The following DDRGK1 variants were observed in gnomAD, a reference collection of about 807,000 sequenced individuals.
The protein encoded by DDRGK1 is DDRGK domain-containing protein 1.
Under a neutral mutation model 45.8 loss-of-function variants are expected in DDRGK1, and 38 were observed. The observed-to-expected ratio is 0.83, with a 90% CI of 0.64 to 1.09. The LOEUF is 1.09. DDRGK1 is among the 50% of genes least tolerant of loss of function. The pLI is 0.00. For missense variants in DDRGK1, 403 were observed against 419.9 expected (o/e 0.96, Z 0.35); for synonymous variants, 171 against 168.7 (o/e 1.01, Z -0.11).
chr20:3,190,725 G>C lies in DDRGK1; in HGVS notation c.873C>G (p.Ile291Met), dbSNP rs747210009. The change falls in exon 9 of 9, where the codon ATC (isoleucine) becomes ATG (methionine). Residue 291 changes from isoleucine (I) to methionine (M), a missense_variant. Transcript: ENST00000354488. ...NFIRQRGRVS[I>M]AELAQASNSL... is the part of the protein sequence containing the mutation. ...AGTTGCTGGCTTGGGCAAGCTCGGC[G>C]ATGGACACCCGGCCCCGCTGTCGGA... The C allele has an allele frequency of 6.2e-7, 1 of 1,614,102 alleles. No individual in the cohort carries two copies. The highest frequency in any genetic ancestry group is 1.1e-5 in the South Asian group (1 of 91,066).
At position 3,190,726 on chromosome 20, in the gene DDRGK1, A is replaced by T. The variant is rs777126302; in HGVS notation, c.872T>A (p.Ile291Asn). Residue 291 changes from isoleucine to asparagine, a missense_variant, in exon 9 of 9, where the codon ATC becomes AAC. Coordinates refer to ENST00000354488, the MANE Select transcript of DDRGK1 (RefSeq NM_023935.3). ...GTTGCTGGCTTGGGCAAGCTCGGCG[A>T]TGGACACCCGGCCCCGCTGTCGGAT... ...NFIRQRGRVSIAELAQASNSL... is the reference protein window; with the variant it reads ...NFIRQRGRVSNAELAQASNSL... The T allele has an allele frequency of 6.2e-7, 1 of 1,614,044 alleles. No homozygotes were observed. The highest frequency in any genetic ancestry group is 1.7e-5 in the Admixed American group (1 of 60,010).
At chr20:3,198,560 C>T (rs1309428207) in intron 4 of DDRGK1, among the ~76,000 whole-genome samples, 6 of 150,124 alleles carry the variant, frequency 4.0e-5, no homozygotes, top group Non-Finnish European at 5.9e-5. Flanking sequence ...ATTAGCCGGG[C>T]GTGGTGGCAC....
chr20:3,191,133 C>G, intron 8 of DDRGK1, 57 bp downstream of exon 8: 3 of 1,606,998 alleles, frequency 1.9e-6, no homozygotes, highest in Non-Finnish European at 2.6e-6. Flanking sequence ...CCTGCAGCCC[C>G]TGTGGCTAGA....
At chr20:3,200,885 C>T (rs529015905) in intron 2 of DDRGK1, among the ~76,000 whole-genome samples, 10 of 152,092 alleles carry the variant, frequency 6.6e-5, no homozygotes, top group South Asian at 4.2e-4. Context: ...CAAAGGTGGG[C>T]GGATCACGAG....
intron 6 of DDRGK1, among the ~76,000 whole-genome samples, chr20:3,192,631 A>G (rs1270407423): frequency 2.0e-5 from 3 of 152,194 alleles, no homozygotes; most frequent in Non-Finnish European, 4.4e-5. Flanking sequence ...CTGTGCTCCA[A>G]GTGCTTCTTC....
At chr20:3,191,411 G>T (rs1396270023) in intron 7 of DDRGK1, 173 bp from the exon 8 acceptor site, 1 of 724,830 alleles carries the variant, frequency 1.4e-6, no homozygotes. Context: ...CTCTGGTCCT[G>T]GGCCCTGCAA....
At chr20:3,191,477 C>T (rs2122227684) in intron 7 of DDRGK1, 1 of 661,004 alleles carries the variant, frequency 1.5e-6, no homozygotes. Context: ...GTTTGCAACA[C>T]AGGCTGGTGC....
chr20:3,200,426 T>G lies in DDRGK1; in HGVS notation c.324A>C (p.Pro108=), dbSNP rs756386231. The change falls in exon 3 of 9, where the codon CCA becomes CCC. Residue 108 remains proline, a synonymous_variant. Transcript: ENST00000354488. Reference sequence around the variant, plus strand: ...TTTTCCCCGACAGGTGAGTTTCCGCTGGCTTCTCGACACCTTCCTCCTCCT... The same window carrying G: ...TTTTCCCCGACAGGTGAGTTTCCGCGGGCTTCTCGACACCTTCCTCCTCCT... The part of the protein sequence containing the change: ...LAQEEEGVEK[P]AETHLSGKIG... The G allele has an allele frequency of 1.9e-6, 3 of 1,580,956 alleles. No individual in the cohort carries two copies. The highest frequency in any genetic ancestry group is 1.7e-4 in the Middle Eastern group (1 of 6,026).
chr20:3,191,516 C>G (rs2066989223), intron 7 of DDRGK1: 1 of 698,076 alleles, frequency 1.4e-6, no homozygotes, highest in Admixed American at 2.2e-5. Context: ...GTCAAGGTAA[C>G]TGATTTGGGC....
In DDRGK1 at chr20:3,195,222, C is replaced by T; in HGVS notation, c.633+9G>A. ...GCAGAGAGGGGCTTCCCAGGGGCAG[C>T]AGGCCCACCTGTTCCTCAGTCATGG... On this transcript the variant is annotated intron_variant, in intron 5 of 8. Transcript: ENST00000354488. The T allele has an allele frequency of 6.2e-7, 1 of 1,614,036 alleles. No individual in the cohort carries two copies. Among genetic ancestry groups the T allele is most frequent in the Middle Eastern group, 1.7e-4 (1 of 6,058 alleles).
chr20:3,200,264 C>T (rs2122238902), intron 3 of DDRGK1, 78 bp downstream of exon 3: 2 of 1,484,260 alleles, frequency 1.3e-6, no homozygotes, highest in Non-Finnish European at 1.8e-6. Context: ...GGCAACAAGC[C>T]CTCAGTCTGC....
chr20:3,203,618 C>A (rs951686159), intron 1 of DDRGK1, among the ~76,000 whole-genome samples: 11 of 152,222 alleles, frequency 7.2e-5, no homozygotes, highest in African/African-American at 2.4e-4. Context: ...GCCCTTCCCT[C>A]GGGCCTGTGT....
chr20:3,204,363 G>A (rs1168178714), intron 1 of DDRGK1, among the ~76,000 whole-genome samples, 174 bp downstream of exon 1: 2 of 152,238 alleles, frequency 1.3e-5, no homozygotes, highest in East Asian at 1.9e-4. Flanking sequence ...CGCGGCCACC[G>A]ATTCCAGGTA....
Position 3,190,617 on chromosome 20 carries a change from C to T in DDRGK1, c.*36G>A. The T allele has an allele frequency of 6.2e-7, 1 of 1,609,470 alleles. No individual in the cohort carries two copies. The highest frequency in any genetic ancestry group is 8.5e-7 in the Non-Finnish European group (1 of 1,178,000). On this transcript the variant is annotated 3_prime_UTR_variant, in exon 9 of 9. Coordinates refer to ENST00000354488, the MANE Select transcript of DDRGK1 (RefSeq NM_023935.3). The stretch of plus-strand genomic sequence containing the variant: ...GATGAAGATGTATAGCCAGGTAGGC[C>T]ACACCAACTCTGAGTCCAAGAGGGA...
chr20:3,191,548 CAG>C (rs1239343624), intron 7 of DDRGK1: 2 of 742,670 alleles, frequency 2.7e-6, no homozygotes, highest in East Asian at 5.4e-5. Flanking sequence ...CAGGGGCTGG[CAG>C]AGTGATGGGG....
Position 3,195,234 on chromosome 20 carries a change from T to G in DDRGK1, c.630A>C (p.Glu210Asp), listed in dbSNP as rs771897055. 14 of 1,613,868 alleles carry G rather than the reference T, an allele frequency of 8.7e-6. No homozygotes were observed. Among genetic ancestry groups the G allele is most frequent in the African/African-American group, 1.3e-5 (1 of 74,906 alleles). The part of the protein sequence containing the change: ...EEGVGETMTE[E>D]QSQSFLTEFI... ...TTCCCAGGGGCAGCAGGCCCACCTG[T>G]TCCTCAGTCATGGTCTCTCCTACGC... The change falls in exon 5 of 9, where the codon GAA becomes GAC. Residue 210 changes from glutamate to aspartate, a missense_variant. Coordinates refer to ENST00000354488, the MANE Select transcript of DDRGK1 (RefSeq NM_023935.3).
intron 5 of DDRGK1, 126 bp from the exon 6 acceptor site, chr20:3,194,994 A>G (rs2067004026): frequency 9.5e-6 from 13 of 1,371,200 alleles, no homozygotes; most frequent in Middle Eastern, 2.0e-4. Context: ...GGCCCGCCCA[A>G]CCACCTGCAC....
intron 6 of DDRGK1, among the ~76,000 whole-genome samples, chr20:3,192,499 T>C (rs1189545415): frequency 6.6e-6 from 1 of 152,054 alleles, no homozygotes; most frequent in Non-Finnish European, 1.5e-5. Flanking sequence ...ACTGGCCTGG[T>C]CCCCCACAAC....
chr20:3,203,262 C>G lies in DDRGK1; in HGVS notation c.246G>C (p.Arg82=), dbSNP rs771520796. ...TCTCATCTGCTTCTGCCCAGGCCAC[C>G]CGCTGGGCTCGACGCTGGGCCTGTA... The part of the protein sequence containing the change: ...SRLQAQRRAQ[R]VAWAEADENE... The change falls in exon 2 of 9, where the codon CGG becomes CGC. Residue 82 remains arginine, a synonymous_variant. Transcript: ENST00000354488. The G allele has an allele frequency of 2.5e-6, 4 of 1,606,344 alleles. No individual in the cohort carries two copies. Among genetic ancestry groups the G allele is most frequent in the Non-Finnish European group, 3.4e-6 (4 of 1,175,656 alleles).
Sources: allele counts gnomAD v4.1 joint callset (sites outside exome capture counted in the v4.1 genomes callset), GRCh38; gene constraint gnomAD v4.1.1; transcripts MANE v1.5; gene names NCBI Gene and HGNC (gene_info 2026-07-23, HGNC 2026-07-21).